The following TMEFF2 variants were observed in gnomAD, a reference collection of about 807,000 sequenced individuals.
TMEFF2 encodes the protein transmembrane protein with EGF like and two follistatin like domains 2.
TMEFF2 carries 28 observed loss-of-function variants against 53.8 expected under a neutral mutation model. The ratio of observed to expected loss-of-function variants is 0.52; its 90% confidence interval spans 0.39 to 0.71. The LOEUF (loss-of-function observed/expected upper bound fraction) is 0.71, where lower values mean the gene tolerates loss of function less well. TMEFF2 is among the 30% of genes least tolerant of loss of function. The pLI, the probability that TMEFF2 is intolerant of heterozygous loss-of-function variation, is 0.00. For synonymous variants in TMEFF2, 162 were observed against 166.3 expected (o/e 0.97, Z 0.20); for missense variants, 353 against 455.2 (o/e 0.78, Z 2.04).
intron 7 of TMEFF2, among the ~76,000 whole-genome samples, chr2:191,970,919 G>T (rs1388861025): frequency 6.6e-6 from 1 of 152,168 alleles, no homozygotes; most frequent in Non-Finnish European, 1.5e-5. Context: ...TTTGAATGAT[G>T]AATTGTATGA....
chr2:191,990,705 G>C (rs2105825946), intron 7 of TMEFF2, among the ~76,000 whole-genome samples: 1 of 149,186 alleles, frequency 6.7e-6, no homozygotes, highest in Admixed American at 6.7e-5. Flanking sequence ...ATGCTAAATA[G>C]ACCTGTCTTT....
At position 191,998,255 on chromosome 2, in the gene TMEFF2, T is replaced by C. The variant is rs1158895214; in HGVS notation, c.745+7A>G. On this transcript the variant is annotated splice_region_variant and intron_variant, in intron 7 of 9. Coordinates refer to ENST00000272771, the MANE Select transcript of TMEFF2 (RefSeq NM_016192.4). Reference sequence around the variant, plus strand: ...GCTCACATTTTGTAGAAGAAAATATTATGTACCTGCATAATCTGTTCTTGC... The same window carrying C: ...GCTCACATTTTGTAGAAGAAAATATCATGTACCTGCATAATCTGTTCTTGC... The C allele has an allele frequency of 6.3e-7, 1 of 1,588,364 alleles. No homozygotes were observed. Among genetic ancestry groups the C allele is most frequent in the African/African-American group, 1.4e-5 (1 of 73,428 alleles).
At chr2:192,107,450 A>T (rs1689174912) in intron 4 of TMEFF2, among the ~76,000 whole-genome samples, 1 of 151,768 alleles carries the variant, frequency 6.6e-6, no homozygotes, top group Non-Finnish European at 1.5e-5. Flanking sequence ...AAATTTACCA[A>T]GGAGAATGTT....
intron 3 of TMEFF2, among the ~76,000 whole-genome samples, chr2:192,183,014 C>T (rs918808802): frequency 1.3e-5 from 2 of 151,940 alleles, no homozygotes; most frequent in African/African-American, 4.8e-5. Context: ...TTATTCATGA[C>T]TTGTCACTCA....
chr2:192,012,924 C>T (rs1342539414), intron 5 of TMEFF2, among the ~76,000 whole-genome samples: 1 of 152,058 alleles, frequency 6.6e-6, no homozygotes, highest in Non-Finnish European at 1.5e-5. Context: ...GGCTAGTCCA[C>T]AATTAGGATA....
In TMEFF2 at chr2:192,089,195, C is replaced by T. The variant is rs376498070; in HGVS notation, c.440-31420G>A. 1.6e-4 allele frequency among the ~76,000 whole-genome samples: 25 copies of T among 152,222 alleles called. No individual in the cohort carries two copies. In the East Asian group the frequency reaches 4.6e-3, roughly 28 times the overall value. On this transcript the variant is annotated intron_variant, in intron 4 of 9. Coordinates refer to ENST00000272771, the MANE Select transcript of TMEFF2 (RefSeq NM_016192.4). ...CTTGCTCCCTAGGCTCCAGCACAGT[C>T]TTTCCTAACCTCTTTTCCCTTTATT...
At chr2:192,004,718 C>A (rs978496570) in intron 5 of TMEFF2, among the ~76,000 whole-genome samples, 5 of 152,168 alleles carry the variant, frequency 3.3e-5, no homozygotes, top group Admixed American at 3.3e-4. Flanking sequence ...ACTTTACCAA[C>A]TTATGTAAAT....
chr2:192,048,504 AT>A (rs914971401), intron 5 of TMEFF2, among the ~76,000 whole-genome samples: 43 of 151,940 alleles, frequency 2.8e-4, no homozygotes, highest in African/African-American at 1.0e-3. Context: ...GAATGTGTGT[AT>A]TTATATTTAG....
intron 4 of TMEFF2, among the ~76,000 whole-genome samples, chr2:192,093,055 C>T (rs1233316331): frequency 2.0e-5 from 3 of 152,048 alleles, no homozygotes; most frequent in Non-Finnish European, 4.4e-5. Context: ...AATTAGAAAC[C>T]TTCTCTTGAT....
chr2:192,168,148 T>C (rs1041059100), intron 4 of TMEFF2, among the ~76,000 whole-genome samples: 8 of 152,142 alleles, frequency 5.3e-5, no homozygotes, highest in African/African-American at 1.9e-4. Context: ...AAAAGTCAAA[T>C]GCTCAAAGAA....
At position 191,950,389 on chromosome 2, in the gene TMEFF2, G is replaced by A. The variant is rs895019151; in HGVS notation, c.1047C>T (p.Asn349=). ...TATTTTGCTTCTGTCTGTGAATTCT[G>A]TTGCTTCTGGGGCATTTCCTGGAAG... The part of the protein sequence containing the change: ...LCITRKCPRS[N]RIHRQKQNTG... Residue 349 remains asparagine (N), a synonymous_variant, in exon 10 of 10, where the codon AAC becomes AAT. Coordinates refer to ENST00000272771, the MANE Select transcript of TMEFF2 (RefSeq NM_016192.4). The A allele has an allele frequency of 5.6e-6, 9 of 1,613,874 alleles. No homozygotes were observed. Among genetic ancestry groups the A allele is most frequent in the Non-Finnish European group, 7.6e-6 (9 of 1,179,924 alleles).
chr2:192,036,136 T>C (rs1331118694), intron 5 of TMEFF2: 2 of 152,236 alleles, frequency 1.3e-5, no homozygotes, highest in East Asian at 3.8e-4. Context: ...ATGTAGTTAC[T>C]CAAGACCTAA....
intron 7 of TMEFF2, among the ~76,000 whole-genome samples, chr2:191,963,200 G>A (rs1692321653): frequency 6.6e-6 from 1 of 152,110 alleles, no homozygotes; most frequent in Non-Finnish European, 1.5e-5. Flanking sequence ...CTGCTCTCAG[G>A]AGACAAAGTT....
At chr2:192,035,055 C>A (rs1687251474) in intron 5 of TMEFF2, among the ~76,000 whole-genome samples, 1 of 152,184 alleles carries the variant, frequency 6.6e-6, no homozygotes, top group South Asian at 2.1e-4. Context: ...AATTTCACTC[C>A]ACATTCATCC....
At chr2:192,109,365 C>T (rs765189220) in intron 4 of TMEFF2, among the ~76,000 whole-genome samples, 3 of 151,952 alleles carry the variant, frequency 2.0e-5, no homozygotes, top group East Asian at 1.9e-4. Context: ...TCTGTTTTAT[C>T]GACTCACTGC....
chr2:192,179,679 G>C lies in TMEFF2; in HGVS notation c.428C>G (p.Ser143Cys). The C allele has an allele frequency of 6.5e-7, 1 of 1,529,768 alleles. No homozygotes were observed. The highest frequency in any genetic ancestry group is 8.7e-7 in the Non-Finnish European group (1 of 1,145,964). 94.8% of individuals were successfully genotyped at this position (1,529,768 alleles called of 1,614,324 possible). A position where few individuals can be genotyped will look rare whatever the true frequency, so the allele number is the denominator to read the frequency against. Reference sequence around the variant, plus strand: ...AAGGCAACTCCTACCTCCATCTCCAGATCCTGATCCTGCATCTGTGGGGGG... The same window carrying C: ...AAGGCAACTCCTACCTCCATCTCCACATCCTGATCCTGCATCTGTGGGGGG... Reference protein sequence around the residue: ...GSCATDAGSGSGDGVHEGSGE... With the variant: ...GSCATDAGSGCGDGVHEGSGE... Residue 143 changes from serine to cysteine, a missense_variant, in exon 4 of 10, where the codon TCT (serine) becomes TGT (cysteine). Coordinates refer to ENST00000272771, the MANE Select transcript of TMEFF2 (RefSeq NM_016192.4).
intron 4 of TMEFF2, among the ~76,000 whole-genome samples, chr2:192,081,800 CTT>C (rs900552541): frequency 0.014 from 1,868 of 130,240 alleles, 18 homozygotes; most frequent in African/African-American, 0.052. Context: ...AACGATTTCC[CTT>C]TTTTTTTTTT....
chr2:192,065,808 A>G (rs576052864), intron 4 of TMEFF2, among the ~76,000 whole-genome samples: 2 of 151,924 alleles, frequency 1.3e-5, no homozygotes, highest in African/African-American at 4.8e-5. Flanking sequence ...TTACGCTCAA[A>G]TAAAGGACAT....
At chr2:192,123,493 G>A (rs1689608346) in intron 4 of TMEFF2, among the ~76,000 whole-genome samples, 1 of 152,088 alleles carries the variant, frequency 6.6e-6, no homozygotes, top group South Asian at 2.1e-4. Flanking sequence ...AGTGTAGTCT[G>A]CAGTGTCAGG....
Sources: allele counts gnomAD v4.1 joint callset (sites outside exome capture counted in the v4.1 genomes callset), GRCh38; gene constraint gnomAD v4.1.1; transcripts MANE v1.5; gene names NCBI Gene and HGNC (gene_info 2026-07-23, HGNC 2026-07-21).